Variants in MGAM observed in about 807,000 individuals in gnomAD.
The protein encoded by MGAM is alpha-1,4-glucosidase.
In MGAM, 253 loss-of-function variants were observed where a neutral mutation model predicts 358.8. The observed-to-expected ratio is 0.71, with a 90% CI of 0.64 to 0.78. The LOEUF (loss-of-function observed/expected upper bound fraction) is 0.78, where lower values mean the gene tolerates loss of function less well. Among genes scored for constraint, MGAM ranks in the 30% least tolerant of loss-of-function variants. The pLI is 0.00. For missense variants in MGAM, 3,080 were observed against 3,432.6 expected, an observed-to-expected ratio of 0.90 and a Z score of 2.57; for synonymous variants, 1,105 against 1,227.1, an observed-to-expected ratio of 0.90 and a Z score of 2.08.
chr7:142,030,574 T>G, intron 11 of MGAM, 67 bp from the exon 12 acceptor site: 1 of 1,605,496 alleles, frequency 6.2e-7, no homozygotes, highest in Middle Eastern at 1.7e-4. Context: ...TCTCCCCCAG[T>G]TCCCAGTCTC....
chr7:142,103,315 C>G lies in MGAM; in HGVS notation c.8060C>G (p.Thr2687Arg). 6.2e-7 allele frequency: 1 copy of G among 1,612,880 alleles called. No individual in the cohort carries two copies. Among genetic ancestry groups the G allele is most frequent in the Non-Finnish European group, 8.5e-7 (1 of 1,179,402 alleles). The change falls in exon 70 of 71, where the codon ACA (threonine) becomes AGA (arginine). Residue 2687 changes from threonine to arginine, a missense_variant. Around this residue, in one of 5 missense-constraint regions of MGAM, gnomAD observed 194 missense variants for 172.8 expected, o/e 1.12. Transcript: ENST00000475668. ...ATTTTCAACAATTACATCACTGGTA[C>G]AAATCCTTTGAAACTGGGCTACATT... The part of the protein sequence containing the change: ...HIIFNNYITG[T>R]NPLKLGYIEI...
chr7:142,024,274 G>A (rs1164326351), intron 7 of MGAM, among the ~76,000 whole-genome samples: 2 of 151,776 alleles, frequency 1.3e-5, no homozygotes, highest in Non-Finnish European at 2.9e-5. Flanking sequence ...TTAGCCAGGC[G>A]GTAGTGGCAC....
intron 21 of MGAM, among the ~76,000 whole-genome samples, chr7:142,044,397 TATATG>T (rs199854464): frequency 0.15 from 8,806 of 58,480 alleles, 2,337 homozygotes; most frequent in East Asian, 0.26. Flanking sequence ...ACACATACGA[TATATG>T]ATATATAATG....
rs1807636448 is a variant in MGAM at position 142,032,878 on chromosome 7, A to G, written c.1638A>G (p.Thr546=). 1 of 1,611,066 alleles carries G rather than the reference A, an allele frequency of 6.2e-7. No homozygotes were observed. Among genetic ancestry groups the G allele is most frequent in the Non-Finnish European group, 8.5e-7 (1 of 1,178,348 alleles). ...ATGGTTCGGTCTCAGGATGTTCCAC[A>G]AACAACCTAAATAATCCCCCATTCA... ...FVDGSVSGCS[T]NNLNNPPFTP... Residue 546 remains threonine, a synonymous_variant, in exon 14 of 71, where the codon ACA becomes ACG. Transcript: ENST00000475668.
chr7:141,986,835 T>C (rs1554446304), intron 2 of MGAM, among the ~76,000 whole-genome samples: 1 of 152,146 alleles, frequency 6.6e-6, no homozygotes, highest in African/African-American at 2.4e-5. Context: ...TGCCACCACA[T>C]ACCTCCTAGG....
At chr7:141,989,175 T>G (rs1444575253) in intron 2 of MGAM, among the ~76,000 whole-genome samples, 2 of 151,856 alleles carry the variant, frequency 1.3e-5, no homozygotes, top group African/African-American at 4.8e-5. Context: ...GTAGTAGTGG[T>G]TTTTCTCCAT....
Position 142,074,600 on chromosome 7 carries a change from A to G in MGAM, c.5275+427A>G, listed in dbSNP as rs139383156. 7.7e-4 allele frequency among the ~76,000 whole-genome samples: 113 copies of G among 146,314 alleles called. 11 individuals are homozygous for G. The highest frequency in any genetic ancestry group is 7.0e-3 in the Middle Eastern group (2 of 284). On this transcript the variant is annotated intron_variant, in intron 45 of 70. Coordinates refer to ENST00000475668, the MANE Select transcript of MGAM (RefSeq NM_001365693.1). ...CTCAGCTAGCCATACGTTTTAGCAT[A>G]TTTGTGGGTCCAGTATACTAACAAT...
intron 70 of MGAM, 86 bp from the exon 71 acceptor site, chr7:142,105,728 T>A: frequency 1.0e-6 from 1 of 996,332 alleles, no homozygotes; most frequent in African/African-American, 1.6e-5. Context: ...AGGGGGTTAT[T>A]TGGACTGGAT....
In MGAM at chr7:142,068,720, G is replaced by A. The variant is rs1182065661; in HGVS notation, c.5061+17G>A. On this transcript the variant is annotated intron_variant, in intron 43 of 70. Coordinates refer to ENST00000475668, the MANE Select transcript of MGAM (RefSeq NM_001365693.1). ...TACTACACGGTAAGTTTTTCTGAAT[G>A]TTTATATAACACGGGAATGTGGTAG... 21 of 1,479,738 alleles carry A rather than the reference G, an allele frequency of 1.4e-5. 2 individuals are homozygous for A. The highest frequency in any genetic ancestry group is 2.0e-5 in the Non-Finnish European group (21 of 1,066,808). The allele number at this position is 1,479,738 out of a possible 1,614,324, so 91.7% of individuals were successfully genotyped here.
At chr7:142,003,372 T>C (rs1203503077) in intron 1 of MGAM, among the ~76,000 whole-genome samples, 1 of 151,916 alleles carries the variant, frequency 6.6e-6, no homozygotes, top group Non-Finnish European at 1.5e-5. Flanking sequence ...GAAATAGACA[T>C]ATAAATCGGT....
intron 43 of MGAM, 121 bp from the exon 44 acceptor site, chr7:142,070,873 G>A: frequency 7.6e-7 from 1 of 1,312,672 alleles, no homozygotes; most frequent in South Asian, 1.3e-5. Context: ...TAGCAGGTAT[G>A]TTGCAAAGGG....
chr7:142,033,020 G>A, intron 14 of MGAM, 111 bp downstream of exon 14: 1 of 618,584 alleles, frequency 1.6e-6, no homozygotes, highest in African/African-American at 1.9e-5. Flanking sequence ...ATTGTGCATA[G>A]AAAAAGAAAT....
intron 2 of MGAM, among the ~76,000 whole-genome samples, chr7:142,006,929 A>G (rs547946510): frequency 6.6e-6 from 1 of 152,222 alleles, no homozygotes; most frequent in South Asian, 2.1e-4. Flanking sequence ...CTTCATCTTC[A>G]ATATTGTATT....
intron 58 of MGAM, 117 bp from the exon 59 acceptor site, chr7:142,092,404 C>T (rs1451343966): frequency 9.4e-7 from 1 of 1,063,152 alleles, no homozygotes; most frequent in Non-Finnish European, 1.4e-6. Flanking sequence ...GCTCCCAGGG[C>T]TGGCATCTAT....
At chr7:142,082,784 C>A (rs1814429031) in intron 52 of MGAM, among the ~76,000 whole-genome samples, 1 of 146,022 alleles carries the variant, frequency 6.8e-6, no homozygotes. Context: ...TGGTAAAAAT[C>A]ACATAAGAAG....
intron 43 of MGAM, among the ~76,000 whole-genome samples, chr7:142,069,108 C>T (rs1281069753): frequency 1.0e-4 from 15 of 145,884 alleles, no homozygotes; most frequent in African/African-American, 2.9e-4. Flanking sequence ...GCATAGAGGC[C>T]GTTTTGTCTC....
intron 16 of MGAM, among the ~76,000 whole-genome samples, chr7:142,035,657 A>G (rs558142644): frequency 2.6e-4 from 40 of 152,170 alleles, no homozygotes; most frequent in Non-Finnish European, 4.0e-4. Context: ...TGATGTATCT[A>G]TAAGGATTGG....
intron 3 of MGAM, among the ~76,000 whole-genome samples, chr7:142,015,212 A>G (rs6464455): frequency 0.055 from 8,337 of 152,058 alleles, 623 homozygotes; most frequent in African/African-American, 0.17. Context: ...GCCCGATTTT[A>G]TATTGAGATG....
chr7:142,100,395 C>T (rs1816336344), intron 67 of MGAM, among the ~76,000 whole-genome samples: 1 of 152,078 alleles, frequency 6.6e-6, no homozygotes, highest in African/African-American at 2.4e-5. Flanking sequence ...TCTTAGACTC[C>T]CTATTCATTT....
Sources: allele counts gnomAD v4.1 joint callset (sites outside exome capture counted in the v4.1 genomes callset), GRCh38; gene constraint gnomAD v4.1.1; regional missense constraint gnomAD v4.1.1; transcripts MANE v1.5; gene names NCBI Gene and HGNC (gene_info 2026-07-23, HGNC 2026-07-21).